Variants in PLCB1 observed in about 807,000 individuals in gnomAD.
The protein encoded by PLCB1 is phospholipase C beta 1, also known as 1-phosphatidylinositol 4,5-bisphosphate phosphodiesterase beta-1.
A neutral mutation model predicts 161.8 loss-of-function variants in PLCB1; 46 were observed. The observed-to-expected ratio is 0.28, with a 90% CI of 0.22 to 0.36. The LOEUF is 0.36. PLCB1 is among the 10% of genes least tolerant of loss of function. The pLI is 1.00. For missense variants in PLCB1, 1,016 were observed against 1,472.5 expected (o/e 0.69, Z 5.07); for synonymous variants, 517 against 503.7 (o/e 1.03, Z -0.35).
At chr20:8,746,883 A>T (rs1466259454) in intron 23 of PLCB1, among the ~76,000 whole-genome samples, 1 of 152,112 alleles carries the variant, frequency 6.6e-6, no homozygotes, top group Non-Finnish European at 1.5e-5. Flanking sequence ...CATCATGATA[A>T]ATTGCTGATC....
At chr20:8,158,817 T>C (rs2051590595) in intron 2 of PLCB1, among the ~76,000 whole-genome samples, 2 of 152,152 alleles carry the variant, frequency 1.3e-5, no homozygotes, top group African/African-American at 4.8e-5. Flanking sequence ...TCCAAAATGA[T>C]CTCCTTTGAC....
At chr20:8,293,369 A>G (rs977517312) in intron 2 of PLCB1, among the ~76,000 whole-genome samples, 5 of 152,294 alleles carry the variant, frequency 3.3e-5, no homozygotes, top group African/African-American at 1.2e-4. Flanking sequence ...CTTAAAACTC[A>G]GTCTCCTAAG....
At position 8,883,099 on chromosome 20, in the gene PLCB1, T is replaced by G. The variant is rs1988053561; in HGVS notation, c.*1250T>G. On this transcript the variant is annotated 3_prime_UTR_variant, in exon 32 of 32. Coordinates refer to ENST00000338037, the MANE Select transcript of PLCB1 (RefSeq NM_015192.4). ...CAAACCGAAGTAGATTTAGAACTTA[T>G]ATGAATTTGATTTATATTTTGCAAG... 6.6e-6 allele frequency: 1 copy of G among 152,430 alleles called. No individual in the cohort carries two copies. Among genetic ancestry groups the G allele is most frequent in the Non-Finnish European group, 1.5e-5 (1 of 68,018 alleles). 9.4% of individuals were successfully genotyped at this position (152,430 alleles called of 1,614,324 possible).
chr20:8,494,127 C>T (rs1265824664), intron 3 of PLCB1, among the ~76,000 whole-genome samples: 1 of 152,108 alleles, frequency 6.6e-6, no homozygotes, highest in East Asian at 1.9e-4. Flanking sequence ...GGTAGCAGTC[C>T]TTACCTTGGT....
intron 3 of PLCB1, among the ~76,000 whole-genome samples, chr20:8,530,774 C>T (rs981538990): frequency 2.6e-5 from 4 of 151,990 alleles, no homozygotes; most frequent in Non-Finnish European, 5.9e-5. Flanking sequence ...TTTTTATATT[C>T]AAGCATTTGG....
chr20:8,504,707 A>T (rs1983560706), intron 3 of PLCB1, among the ~76,000 whole-genome samples: 1 of 152,058 alleles, frequency 6.6e-6, no homozygotes, highest in Non-Finnish European at 1.5e-5. Flanking sequence ...AACCAACCAA[A>T]CAAAAACAAC....
intron 19 of PLCB1, among the ~76,000 whole-genome samples, chr20:8,734,135 C>CAAAAAAAAAAAAAAAAAA (rs10624037): frequency 1.7e-5 from 1 of 57,926 alleles, no homozygotes; most frequent in African/African-American, 7.1e-5. Context: ...GACTCTGTCT[C>CAAAAAAAAAAAAAAAAAA]AAAAAAAAAA....
chr20:8,790,127 C>A, intron 30 of PLCB1, 48 bp from the exon 31 acceptor site: 1 of 1,370,290 alleles, frequency 7.3e-7, no homozygotes, highest in Non-Finnish European at 1.0e-6. Context: ...AAAACGTGCA[C>A]TTTTAAATGT....
intron 13 of PLCB1, among the ~76,000 whole-genome samples, chr20:8,717,338 C>T (rs1164913598): frequency 1.3e-5 from 2 of 152,170 alleles, no homozygotes. Context: ...CAGGCCAGGG[C>T]CTTCTTATCT....
At chr20:8,699,875 G>C (rs1412578989) in intron 11 of PLCB1, among the ~76,000 whole-genome samples, 2 of 152,110 alleles carry the variant, frequency 1.3e-5, no homozygotes, top group Non-Finnish European at 2.9e-5. Context: ...TTTAATACAG[G>C]GTTGACATTA....
At chr20:8,830,887 G>A (rs1281054777) in intron 31 of PLCB1, among the ~76,000 whole-genome samples, 1 of 152,094 alleles carries the variant, frequency 6.6e-6, no homozygotes, top group East Asian at 1.9e-4. Flanking sequence ...ACAGGTGGAG[G>A]CCTCCACTGC....
Position 8,215,891 on chromosome 20 carries a change from A to C in PLCB1, c.177+65520A>C, listed in dbSNP as rs567395623. 6.6e-4 allele frequency among the ~76,000 whole-genome samples: 101 copies of C among 152,170 alleles called. 2 individuals carry two copies. The South Asian group carries it at 0.014, about 22-fold the overall frequency. ...ATATATTTAATTCACAGCAGGGAGCAGTACACACATCGTAAGAGAGAAATC... is the reference window on the plus strand; with the variant it reads ...ATATATTTAATTCACAGCAGGGAGCCGTACACACATCGTAAGAGAGAAATC... On this transcript the variant is annotated intron_variant, in intron 2 of 31. Transcript: ENST00000338037.
At chr20:8,421,826 A>G (rs566451869) in intron 3 of PLCB1, among the ~76,000 whole-genome samples, 1 of 152,314 alleles carries the variant, frequency 6.6e-6, no homozygotes, top group African/African-American at 2.4e-5. Context: ...TCTTATATCT[A>G]TCAAATCAGA....
intron 10 of PLCB1, among the ~76,000 whole-genome samples, chr20:8,685,281 T>C (rs1308071752): frequency 6.6e-6 from 1 of 150,872 alleles, no homozygotes; most frequent in Non-Finnish European, 1.5e-5. Flanking sequence ...GCATCATTTC[T>C]CCACAGCCTA....
intron 31 of PLCB1, among the ~76,000 whole-genome samples, chr20:8,843,284 A>G (rs994923813): frequency 1.3e-5 from 2 of 151,976 alleles, no homozygotes; most frequent in African/African-American, 4.8e-5. Context: ...CATCACCTAG[A>G]CAGAAATTTT....
intron 31 of PLCB1, chr20:8,880,957 C>T (rs1385549419): frequency 2.0e-5 from 3 of 150,894 alleles, no homozygotes; most frequent in Non-Finnish European, 4.3e-5. Context: ...ACCACTGCCT[C>T]CTGGGTTCAA....
intron 27 of PLCB1, among the ~76,000 whole-genome samples, chr20:8,776,938 A>G (rs946306795): frequency 3.3e-5 from 5 of 152,178 alleles, no homozygotes; most frequent in Non-Finnish European, 4.4e-5. Context: ...TAAATAGAGT[A>G]GGCACGGAAA....
intron 31 of PLCB1, among the ~76,000 whole-genome samples, chr20:8,799,948 C>T (rs1299040680): frequency 6.6e-6 from 1 of 152,162 alleles, no homozygotes; most frequent in Non-Finnish European, 1.5e-5. Context: ...ATGTTCAGTA[C>T]AGACACAACC....
intron 23 of PLCB1, 38 bp from the exon 24 acceptor site, chr20:8,757,008 A>C: frequency 6.4e-7 from 1 of 1,554,268 alleles, no homozygotes; most frequent in Non-Finnish European, 8.7e-7. Context: ...AAAGAATAAA[A>C]AGAAATGTGG....
Sources: gnomAD v4.1 joint callset for allele counts (sites outside exome capture counted in the v4.1 genomes callset) on GRCh38, gnomAD v4.1.1 for gene constraint, MANE v1.5 for transcripts, NCBI Gene and HGNC (gene_info 2026-07-23, HGNC 2026-07-21) for gene names.